ATXN7: variants seen among roughly 807,000 people sequenced by gnomAD.
The protein encoded by ATXN7 is ataxin-7.
In ATXN7, 12 loss-of-function variants were observed where a neutral mutation model predicts 70.5. The ratio of observed to expected loss-of-function variants is 0.17; its 90% CI spans 0.11 to 0.28. ATXN7 has a LOEUF of 0.28. Among genes scored for constraint, ATXN7 ranks in the 10% least tolerant of loss-of-function variants. The pLI is 1.00. For synonymous variants in ATXN7, 498 were observed against 448.7 expected, an observed-to-expected ratio of 1.11 and a Z score of -1.39; for missense variants, 1,256 against 1,131.7, an observed-to-expected ratio of 1.11 and a Z score of -1.58.
chr3:63,974,521 A>C (rs2075361766), intron 5 of ATXN7, among the ~76,000 whole-genome samples: 1 of 152,222 alleles, frequency 6.6e-6, no homozygotes, highest in South Asian at 2.1e-4. Flanking sequence ...CTGGGATTGC[A>C]CCCATCTTTG....
chr3:63,987,477 G>T (rs1025646656), intron 8 of ATXN7, among the ~76,000 whole-genome samples: 1 of 152,154 alleles, frequency 6.6e-6, no homozygotes, highest in African/African-American at 2.4e-5. Context: ...CTTCTGTCCA[G>T]TGCTCCTTGG....
chr3:63,996,155 G>T lies in ATXN7; in HGVS notation c.2333G>T (p.Gly778Val). Residue 778 changes from glycine to valine, a missense_variant, in exon 12 of 13, where the codon GGC becomes GTC. Physicochemically the swap from Gly to Val is moderately radical, Grantham distance 109 (BLOSUM62 -3). Coordinates refer to ENST00000674280, the MANE Select transcript of ATXN7 (RefSeq NM_001377405.1). ...GTCCGGCATGACCAGTCAGGGAGGG[G>T]CCCCCCCACCGGGAGCCCTGCTGAA... is the stretch of plus-strand genomic sequence containing the variant. The part of the protein sequence containing the change: ...VNVRHDQSGR[G>V]PPTGSPAESI... 1 of 1,613,926 alleles carries T rather than the reference G, an allele frequency of 6.2e-7. No individual in the cohort carries two copies. Among genetic ancestry groups the T allele is most frequent in the Non-Finnish European group, 8.5e-7 (1 of 1,179,984 alleles).
intron 4 of ATXN7, among the ~76,000 whole-genome samples, chr3:63,946,064 A>G (rs959040517): frequency 6.6e-6 from 1 of 152,228 alleles, no homozygotes; most frequent in Non-Finnish European, 1.5e-5. Context: ...TCCAAATGCC[A>G]GTCATTTACT....
intron 4 of ATXN7, among the ~76,000 whole-genome samples, chr3:63,947,932 A>G (rs185989298): frequency 6.6e-6 from 1 of 152,222 alleles, no homozygotes; most frequent in East Asian, 1.9e-4. Flanking sequence ...GGAACAGAGG[A>G]TGAGAGGGAA....
intron 4 of ATXN7, among the ~76,000 whole-genome samples, chr3:63,940,408 G>C (rs749765665): frequency 1.3e-5 from 2 of 151,946 alleles, no homozygotes; most frequent in African/African-American, 4.8e-5. Flanking sequence ...CAGGTCAGTA[G>C]CCAATGCCAT....
intron 5 of ATXN7, among the ~76,000 whole-genome samples, chr3:63,967,301 A>G (rs1342751928): frequency 6.6e-6 from 1 of 152,238 alleles, no homozygotes; most frequent in East Asian, 1.9e-4. Flanking sequence ...ATGAAATTAT[A>G]CATATTTTAC....
intron 1 of ATXN7, among the ~76,000 whole-genome samples, chr3:63,874,810 G>T (rs1702702941): frequency 6.6e-6 from 1 of 152,162 alleles, no homozygotes. Flanking sequence ...GTGTGTCTTA[G>T]TCTGTTCAGG....
intron 6 of ATXN7, chr3:63,980,449 C>T (rs778764049): frequency 1.2e-5 from 5 of 429,006 alleles, no homozygotes; most frequent in Non-Finnish European, 2.1e-5. Context: ...CTTATCACAA[C>T]AACCCTATGG....
intron 4 of ATXN7, among the ~76,000 whole-genome samples, chr3:63,922,277 A>G (rs1465400514): frequency 1.3e-5 from 2 of 152,148 alleles, no homozygotes; most frequent in East Asian, 3.9e-4. Flanking sequence ...CTGGAGCTCA[A>G]GAAATCCTCC....
At chr3:63,922,877 A>G (rs1704562076) in intron 4 of ATXN7, among the ~76,000 whole-genome samples, 1 of 152,210 alleles carries the variant, frequency 6.6e-6, no homozygotes, top group South Asian at 2.1e-4. Flanking sequence ...TAATAGAAGT[A>G]TGGAACACAG....
chr3:63,982,423 A>G lies in ATXN7; in HGVS notation c.990A>G (p.Lys330=). The G allele has an allele frequency of 1.2e-6, 2 of 1,609,006 alleles. No individual in the cohort carries two copies. The highest frequency in any genetic ancestry group is 1.3e-5 in the African/African-American group (1 of 74,810). The change falls in exon 7 of 13, where the codon AAA becomes AAG. Residue 330 remains lysine (K), a synonymous_variant. Transcript: ENST00000674280. ...CTGAAGACAATTCCAATAATAGGAAATTTTTAAATAAGAGATTATCAGGTA... is the reference window on the plus strand; with the variant it reads ...CTGAAGACAATTCCAATAATAGGAAGTTTTTAAATAAGAGATTATCAGGTA... ...KKPEDNSNNR[K]FLNKRLSERE...
In ATXN7 at chr3:64,000,703, T is replaced by C. The variant is rs1293567869; in HGVS notation, c.*1236T>C. ...TGACCTGAAGGTCTTTTGTGATGCA[T>C]GTATAGGATTGCCCTGACACACACC... On this transcript the variant is annotated 3_prime_UTR_variant, in exon 13 of 13. Transcript: ENST00000674280. 6.6e-6 allele frequency: 1 copy of C among 152,130 alleles called. No individual in the cohort carries two copies. Among genetic ancestry groups the C allele is most frequent in the Non-Finnish European group, 1.5e-5 (1 of 68,038 alleles). The allele number at this position is 152,130 out of a possible 1,614,324, so 9.4% of individuals were successfully genotyped here. A position where few individuals can be genotyped will look rare whatever the true frequency, so the allele number is the denominator to read the frequency against.
chr3:63,932,474 T>G (rs1458531988), intron 4 of ATXN7, among the ~76,000 whole-genome samples: 1 of 152,192 alleles, frequency 6.6e-6, no homozygotes, highest in Non-Finnish European at 1.5e-5. Context: ...CTTTAGGACT[T>G]GAGGTGGCAG....
At chr3:63,872,445 G>C (rs1162776459) in intron 1 of ATXN7, among the ~76,000 whole-genome samples, 1 of 152,130 alleles carries the variant, frequency 6.6e-6, no homozygotes, top group African/African-American at 2.4e-5. Context: ...CTATCTCTCT[G>C]AGCTCCACAT....
chr3:63,884,209 A>G (rs1162380842), intron 1 of ATXN7, among the ~76,000 whole-genome samples: 493 of 20,048 alleles, frequency 0.025, 1 homozygote, highest in South Asian at 0.056. Context: ...ATGCGCACAC[A>G]CACACACACA....
At chr3:63,900,470 T>G (rs1225960931) in intron 2 of ATXN7, 2 of 152,272 alleles carry the variant, frequency 1.3e-5, no homozygotes, top group Non-Finnish European at 2.9e-5. Context: ...TGTTCTGGAC[T>G]AAAGCTGAAG....
At chr3:63,871,421 A>G (rs1181873544) in intron 1 of ATXN7, among the ~76,000 whole-genome samples, 1 of 152,232 alleles carries the variant, frequency 6.6e-6, no homozygotes, top group African/African-American at 2.4e-5. Flanking sequence ...AGTTTGGGCA[A>G]TATGAACCCA....
rs200438394 is a variant in ATXN7, at chr3:63,881,260, T to TAGC, written c.-111+17103_-111+17104insGCA. ...GCCATGCCTTTTTGTGATTGAGTAG[T>TAGC]ACCAATGCTGAGAATGCTGAGGTTG... On this transcript the variant is annotated intron_variant, in intron 1 of 12. Coordinates refer to ENST00000674280, the MANE Select transcript of ATXN7 (RefSeq NM_001377405.1). Among the ~76,000 whole-genome samples the TAGC allele has an allele frequency of 5.8e-3, 882 of 151,910 alleles. 26 individuals carry two copies. The highest frequency in any genetic ancestry group is 0.051 in the Admixed American group (778 of 15,246).
In ATXN7 at chr3:63,973,585, C is replaced by T. The variant is rs560036452; in HGVS notation, c.500-6330C>T. On this transcript the variant is annotated intron_variant, in intron 5 of 12. Coordinates refer to ENST00000674280, the MANE Select transcript of ATXN7 (RefSeq NM_001377405.1). ...CGGCCAGTGATACGCCCTGCTTGGG[C>T]CTCCCTCGGCCACGCTGGGTGTGCC... Among the ~76,000 whole-genome samples the T allele has an allele frequency of 3.9e-5, 6 of 152,268 alleles. No individual in the cohort carries two copies. The South Asian group carries it at 1.2e-3, about 32-fold the overall frequency.
Sources: allele counts gnomAD v4.1 joint callset (sites outside exome capture counted in the v4.1 genomes callset), GRCh38; gene constraint gnomAD v4.1.1; transcripts MANE v1.5; gene names NCBI Gene and HGNC (gene_info 2026-07-23, HGNC 2026-07-21).